SAE1: variants seen among roughly 807,000 people sequenced by gnomAD.
SAE1 encodes SUMO1 activating enzyme subunit 1.
In SAE1, 11 loss-of-function variants were observed where a neutral mutation model predicts 40.6. The observed-to-expected ratio is 0.27, with a 90% CI of 0.17 to 0.45. The LOEUF is 0.45. Among genes scored for constraint, SAE1 ranks in the 20% least tolerant of loss-of-function variants. SAE1 has a pLI of 1.00. For synonymous variants in SAE1, 155 were observed against 154.3 expected (o/e 1.00, Z -0.03); for missense variants, 373 against 427.3 (o/e 0.87, Z 1.12).
chr19:47,131,956 C>T (rs1288179619), intron 1 of SAE1, among the ~76,000 whole-genome samples: 1 of 151,790 alleles, frequency 6.6e-6, no homozygotes, highest in Admixed American at 6.6e-5. Flanking sequence ...CCGCCTCGGC[C>T]TCCTGAAGTG....
At chr19:47,189,255 C>T (rs1056889062) in intron 6 of SAE1, among the ~76,000 whole-genome samples, 2 of 152,132 alleles carry the variant, frequency 1.3e-5, no homozygotes, top group African/African-American at 2.4e-5. Flanking sequence ...AGCGACTCTC[C>T]ATAAAGTGAG....
chr19:47,133,701 G>A (rs1367991002), intron 1 of SAE1, among the ~76,000 whole-genome samples: 1 of 152,130 alleles, frequency 6.6e-6, no homozygotes, highest in South Asian at 2.1e-4. Flanking sequence ...GTAGAAGAGG[G>A]AACAGAATTT....
At chr19:47,133,866 GT>G (rs1360686305) in intron 1 of SAE1, among the ~76,000 whole-genome samples, 188 of 139,470 alleles carry the variant, frequency 1.3e-3, no homozygotes, top group Non-Finnish European at 1.6e-3. Context: ...TTTTTTGTTT[GT>G]TTTTTTTTTT....
chr19:47,164,670 A>G (rs1381213799), intron 5 of SAE1, among the ~76,000 whole-genome samples: 1 of 90,860 alleles, frequency 1.1e-5, no homozygotes, highest in African/African-American at 4.7e-5. Context: ...TTTTTTTGAG[A>G]CAGAGTCTTT....
intron 6 of SAE1, among the ~76,000 whole-genome samples, chr19:47,195,736 CTTTT>C (rs56268362): frequency 7.5e-5 from 7 of 93,128 alleles, no homozygotes; most frequent in Admixed American, 1.3e-4. Flanking sequence ...TTTTTTTCTT[CTTTT>C]TTTTTTTTTT....
At chr19:47,208,072 T>TGA (rs1375146887) in intron 8 of SAE1, among the ~76,000 whole-genome samples, 1 of 152,188 alleles carries the variant, frequency 6.6e-6, no homozygotes, top group Non-Finnish European at 1.5e-5. Context: ...TATGTCCTCA[T>TGA]GGAATAGCCC....
At position 47,174,563 on chromosome 19, in the gene SAE1, A is replaced by ATTTT. The variant is rs71180803; in HGVS notation, c.733+4662_733+4665dup. Among the ~76,000 whole-genome samples the ATTTT allele has an allele frequency of 6.9e-3, 608 of 88,482 alleles. 5 individuals are homozygous for ATTTT. Among genetic ancestry groups the ATTTT allele is most frequent in the African/African-American group, 0.013 (265 of 19,958 alleles). The allele number at this position is 88,482 out of a possible 152,430, so 58.0% of individuals were successfully genotyped here. A position where few individuals can be genotyped will look rare whatever the true frequency, so the allele number is the denominator to read the frequency against. ...AGGCATATGTCACCACGCCTGGCAA[A>ATTTT]TTTTTTTTTTTTTTTTTTTTTTTTT... On this transcript the variant is annotated intron_variant, in intron 6 of 8. Coordinates refer to ENST00000270225, the MANE Select transcript of SAE1 (RefSeq NM_005500.3).
intron 3 of SAE1, 76 bp from the exon 4 acceptor site, chr19:47,152,809 GAGACTGTTCATTA>G: frequency 7.7e-7 from 1 of 1,296,892 alleles, no homozygotes; most frequent in Non-Finnish European, 1.1e-6. Flanking sequence ...CATGCCCAGA[GAGACTGTTCATTA>G]AGATTTATTT....
At chr19:47,185,794 G>T (rs974270207) in intron 6 of SAE1, among the ~76,000 whole-genome samples, 1 of 150,748 alleles carries the variant, frequency 6.6e-6, no homozygotes. Flanking sequence ...TAGAGACAGG[G>T]TTTCACTATG....
chr19:47,141,436 C>T (rs1325597926), intron 1 of SAE1, among the ~76,000 whole-genome samples: 2 of 152,098 alleles, frequency 1.3e-5, no homozygotes, highest in Non-Finnish European at 2.9e-5. Flanking sequence ...GTCACCGGGC[C>T]CGGCTGAATA....
chr19:47,149,023 G>A (rs1432644890), intron 2 of SAE1, among the ~76,000 whole-genome samples: 1 of 151,802 alleles, frequency 6.6e-6, no homozygotes, highest in Non-Finnish European at 1.5e-5. Flanking sequence ...TGCAATTTTT[G>A]TTGTTTTTTG....
chr19:47,198,024 C>T (rs576807642), intron 7 of SAE1, among the ~76,000 whole-genome samples: 4 of 152,188 alleles, frequency 2.6e-5, no homozygotes, highest in Non-Finnish European at 5.9e-5. Context: ...CATGCTTTCA[C>T]CTTACGTGAC....
At chr19:47,197,009 C>T (rs900515865) in intron 6 of SAE1, among the ~76,000 whole-genome samples, 2 of 151,886 alleles carry the variant, frequency 1.3e-5, no homozygotes, top group African/African-American at 2.4e-5. Context: ...GGTGAAAACC[C>T]GTCTCTACTA....
At chr19:47,189,106 A>C (rs538670091) in intron 6 of SAE1, among the ~76,000 whole-genome samples, 2 of 152,338 alleles carry the variant, frequency 1.3e-5, no homozygotes, top group South Asian at 4.1e-4. Context: ...TGAATGAACA[A>C]TTGACTGAAT....
chr19:47,149,068 T>G (rs2058271197), intron 2 of SAE1, among the ~76,000 whole-genome samples: 1 of 151,998 alleles, frequency 6.6e-6, no homozygotes, highest in Non-Finnish European at 1.5e-5. Flanking sequence ...AGGCTAGTCT[T>G]GAGCTCCTGG....
At chr19:47,153,780 ATAT>A (rs375765649) in intron 4 of SAE1, among the ~76,000 whole-genome samples, 3 of 151,812 alleles carry the variant, frequency 2.0e-5, no homozygotes, top group African/African-American at 2.4e-5. Flanking sequence ...TTCTTTGGGC[ATAT>A]TATTATTATT....
chr19:47,184,449 C>T (rs1477651816), intron 6 of SAE1, among the ~76,000 whole-genome samples: 7 of 152,060 alleles, frequency 4.6e-5, no homozygotes, highest in African/African-American at 1.4e-4. Flanking sequence ...TTGCTCTTGT[C>T]GCCCAGGCTG....
At position 47,194,765 on chromosome 19, in the gene SAE1, T is replaced by C. The variant is rs113478474; in HGVS notation, c.734-2468T>C. On this transcript the variant is annotated intron_variant, in intron 6 of 8. Transcript: ENST00000270225. ...AATCAGTCTTTTTTTTTTTTTTTTT[T>C]TTGAGATGGAGTTACGCTCTATCGC... 7.6e-3 allele frequency among the ~76,000 whole-genome samples: 1,148 copies of C among 151,368 alleles called. 10 individuals are homozygous for C. Among genetic ancestry groups the C allele is most frequent in the African/African-American group, 0.026 (1,089 of 41,206 alleles).
At chr19:47,145,781 A>G (rs2058252229) in intron 2 of SAE1, among the ~76,000 whole-genome samples, 1 of 152,074 alleles carries the variant, frequency 6.6e-6, no homozygotes, top group Non-Finnish European at 1.5e-5. Context: ...GAACAGTGCG[A>G]TTCTGACACC....
Sources: allele counts gnomAD v4.1 joint callset (sites outside exome capture counted in the v4.1 genomes callset), GRCh38; gene constraint gnomAD v4.1.1; transcripts MANE v1.5; gene names NCBI Gene and HGNC (gene_info 2026-07-23, HGNC 2026-07-21).